PUF60: variants seen among roughly 807,000 people sequenced by gnomAD.
PUF60 encodes poly(U)-binding-splicing factor PUF60.
In PUF60, 10 loss-of-function variants were observed where a neutral mutation model predicts 61.8. The ratio of observed to expected loss-of-function variants is 0.16; its 90% CI spans 0.10 to 0.27. PUF60 has a LOEUF of 0.27. Ranked by LOEUF, PUF60 falls within the 10% of genes least tolerant of loss-of-function variation. The probability of loss-of-function intolerance (pLI) is 1.00; values close to 1 mark genes in which losing one functional copy is unlikely to be tolerated. For synonymous variants in PUF60, 353 were observed against 300.9 expected (o/e 1.17, Z -1.79); for missense variants, 371 against 754.0 (o/e 0.49, Z 5.95).
At chr8:143,823,595 C>T (rs1232090574) in intron 2 of PUF60, among the ~76,000 whole-genome samples, 1 of 152,226 alleles carries the variant, frequency 6.6e-6, no homozygotes, top group Non-Finnish European at 1.5e-5. Context: ...GTCCCACCCC[C>T]TGAGTGTGCC....
At chr8:143,821,360 C>T (rs1586588261) in intron 4 of PUF60, 1 of 598,110 alleles carries the variant, frequency 1.7e-6, no homozygotes, top group South Asian at 2.0e-5. Flanking sequence ...GAGCTGCAGC[C>T]AAGCAGCCAA....
Position 143,817,236 on chromosome 8 carries a change from T to C in PUF60, c.1145-91A>G. 6.6e-7 allele frequency: 1 copy of C among 1,520,110 alleles called. No individual in the cohort carries two copies. The highest frequency in any genetic ancestry group is 1.3e-5 in the South Asian group (1 of 77,112). 94.2% of individuals were successfully genotyped at this position (1,520,110 alleles called of 1,614,324 possible). ...GCTGGCCTGCCCTGGGCTCAGAGGGTTGTGCCCAGACCACCAGGGCCAGGC... is the reference window on the plus strand; with the variant it reads ...GCTGGCCTGCCCTGGGCTCAGAGGGCTGTGCCCAGACCACCAGGGCCAGGC... On this transcript the variant is annotated intron_variant, in intron 10 of 11. Transcript: ENST00000526683. The surrounding 1 kb of genome is among the most constrained non-coding windows in gnomAD (Gnocchi z 7.4).
chr8:143,816,986 C>A lies in PUF60; in HGVS notation c.1304G>T (p.Ser435Ile). 1 of 1,605,476 alleles carries A rather than the reference C, an allele frequency of 6.2e-7. No homozygotes were observed. The highest frequency in any genetic ancestry group is 2.2e-5 in the East Asian group (1 of 44,516). Reference protein sequence around the residue: ...FPESERPEMLSEQEHMSISGS... With the variant: ...FPESERPEMLIEQEHMSISGS... ...CGAGATGCTCATGTGCTCCTGCTCG[C>A]TCAGCATCTCTGGCCGCTCTGACTC... The change falls in exon 11 of 12, where the codon AGC (serine) becomes ATC (isoleucine). Residue 435 changes from serine to isoleucine, a missense_variant. Physicochemically the swap from Ser to Ile is moderately radical, Grantham distance 142. Transcript: ENST00000526683.
chr8:143,817,517 C>T lies in PUF60; in HGVS notation c.1009-51G>A. The T allele has an allele frequency of 6.2e-7, 1 of 1,608,324 alleles. No individual in the cohort carries two copies. The highest frequency in any genetic ancestry group is 8.5e-7 in the Non-Finnish European group (1 of 1,178,976). ...CAGTCCCTGGTCTGGCTACTCAAGA[C>T]CACCTTGAATCAGTCTCCAAGGAAT... On this transcript the variant is annotated intron_variant, in intron 9 of 11. Coordinates refer to ENST00000526683, the MANE Select transcript of PUF60 (RefSeq NM_078480.3). The surrounding 1 kb of genome is among the most constrained non-coding windows in gnomAD (Gnocchi z 7.4).
At chr8:143,819,923 G>A (rs1234217685) in intron 5 of PUF60, among the ~76,000 whole-genome samples, 3 of 152,278 alleles carry the variant, frequency 2.0e-5, no homozygotes, top group South Asian at 2.1e-4. Context: ...AGAACAAGGC[G>A]TGTGTTGCCC....
intron 2 of PUF60, 116 bp downstream of exon 2, chr8:143,824,197 G>A (rs1817356041): frequency 4.7e-6 from 5 of 1,062,810 alleles, no homozygotes; most frequent in Middle Eastern, 3.0e-4. Flanking sequence ...GGGTTCCCGA[G>A]GTTCCTCCCG....
Position 143,817,464 on chromosome 8 carries a change from T to C in PUF60, c.1011A>G (p.Glu337=), listed in dbSNP as rs1334579981. The C allele has an allele frequency of 1.2e-6, 2 of 1,609,746 alleles. No individual in the cohort carries two copies. The highest frequency in any genetic ancestry group is 1.7e-5 in the Admixed American group (1 of 59,580). The change falls in exon 10 of 12, where the codon GAA becomes GAG. Residue 337 remains glutamate (E), a splice_region_variant and synonymous_variant. Transcript: ENST00000526683. This position sits in a 1 kb window ranked among gnomAD's most constrained non-coding sequence, Gnocchi z 7.4. ...AAATAKITAQ[E]AVAGAAVLGT... ...CCAGCACCGCTGCTCCGGCCACTGC[T>C]TCCTGCAACCCAAAAGGTCACCGTG...
intron 1 of PUF60, among the ~76,000 whole-genome samples, chr8:143,825,944 C>T (rs1197066799): frequency 6.6e-6 from 1 of 152,206 alleles, no homozygotes. Flanking sequence ...AAAACATTTT[C>T]TTGGGAAAAG....
chr8:143,822,021 A>C, intron 2 of PUF60, 108 bp from the exon 3 acceptor site: 2 of 795,430 alleles, frequency 2.5e-6, no homozygotes, highest in Non-Finnish European at 3.9e-6. Context: ...GCCTGTACTC[A>C]GGCCAGCCCT....
intron 1 of PUF60, chr8:143,827,231 G>C (rs2130434597): frequency 2.2e-5 from 8 of 371,340 alleles, no homozygotes; most frequent in South Asian, 1.4e-4. Context: ...TGGCAGCCGG[G>C]GGCCTCTCTA....
In PUF60 at chr8:143,817,115, A is replaced by G; in HGVS notation, c.1175T>C (p.Val392Ala). The G allele has an allele frequency of 1.2e-6, 2 of 1,609,708 alleles. No individual in the cohort carries two copies. Among genetic ancestry groups the G allele is most frequent in the South Asian group, 1.1e-5 (1 of 90,542 alleles). The change falls in exon 11 of 12, where the codon GTC becomes GCC. Residue 392 changes from valine to alanine, a missense_variant. Physicochemically the swap from Val to Ala is moderately conservative, Grantham distance 64. Around this residue, in one of 13 missense-constraint regions of PUF60, gnomAD observed 68 missense variants for 69.4 expected, o/e 0.98. Coordinates refer to ENST00000526683, the MANE Select transcript of PUF60 (RefSeq NM_078480.3). The surrounding 1 kb of genome is among the most constrained non-coding windows in gnomAD (Gnocchi z 7.4). ...CACCACTCCCACCGAGGGGATGGTGACCGGGATAGGAGGACGGGCTGGGGT... is the reference window on the plus strand; with the variant it reads ...CACCACTCCCACCGAGGGGATGGTGGCCGGGATAGGAGGACGGGCTGGGGT... ...GVTPARPPIP[V>A]TIPSVGVVNP... is the part of the protein sequence containing the mutation.
At chr8:143,823,248 C>T (rs568163589) in intron 2 of PUF60, 4 of 157,998 alleles carry the variant, frequency 2.5e-5, no homozygotes, top group African/African-American at 7.3e-5. Context: ...TGCCCCAGTC[C>T]GGCTCACACT....
Position 143,824,188 on chromosome 8 carries a change from G to T in PUF60, c.111+125C>A, listed in dbSNP as rs561697242. Reference sequence around the variant, plus strand: ...AGTTGTCTGCCCAGAGGCAGAGAAGGGTTCCCGAGGTTCCTCCCGCCCCGC... The same window carrying T: ...AGTTGTCTGCCCAGAGGCAGAGAAGTGTTCCCGAGGTTCCTCCCGCCCCGC... On this transcript the variant is annotated intron_variant, in intron 2 of 11. Transcript: ENST00000526683. 4 of 940,348 alleles carry T rather than the reference G, an allele frequency of 4.3e-6. No homozygotes were observed. In the South Asian group the frequency reaches 4.9e-5, roughly 12 times the overall value. The allele number at this position is 940,348 out of a possible 1,614,324, so 58.3% of individuals were successfully genotyped here.
At chr8:143,822,085 T>G (rs2130340811) in intron 2 of PUF60, among the ~76,000 whole-genome samples, 172 bp from the exon 3 acceptor site, 2 of 151,770 alleles carry the variant, frequency 1.3e-5, no homozygotes, top group South Asian at 4.2e-4. Context: ...ACCCATGGGG[T>G]AGAACACAGA....
At chr8:143,829,080 G>A (rs1817998976) in intron 1 of PUF60, 200 bp downstream of exon 1, 1 of 1,078,714 alleles carries the variant, frequency 9.3e-7, no homozygotes, top group Admixed American at 5.3e-5. Flanking sequence ...GGGGTCCGCA[G>A]GCCGGAAGCT....
chr8:143,827,647 G>A (rs1586623604), intron 1 of PUF60: 1 of 348,970 alleles, frequency 2.9e-6, no homozygotes, highest in South Asian at 2.1e-5. Flanking sequence ...AAAGAGGAAT[G>A]GGTTAGACCA....
In PUF60 at chr8:143,816,364, A is replaced by G. The variant is rs2043518532; in HGVS notation, c.*156T>C. On this transcript the variant is annotated 3_prime_UTR_variant, in exon 12 of 12. Coordinates refer to ENST00000526683, the MANE Select transcript of PUF60 (RefSeq NM_078480.3). ...CAGGATCGGTGACAGGACCGACGGC[A>G]GACACACGGACGTTCAGGGCCAGCA... is the stretch of plus-strand genomic sequence containing the variant. The G allele has an allele frequency of 1.2e-6, 1 of 815,118 alleles. No homozygotes were observed. 50.5% of individuals were successfully genotyped at this position (815,118 alleles called of 1,614,324 possible). A position where few individuals can be genotyped will look rare whatever the true frequency, so the allele number is the denominator to read the frequency against.
Position 143,816,503 on chromosome 8 carries a change from G to C in PUF60, c.*17C>G. The C allele has an allele frequency of 6.3e-7, 1 of 1,594,986 alleles. No homozygotes were observed. Among genetic ancestry groups the C allele is most frequent in the South Asian group, 1.1e-5 (1 of 88,332 alleles). On this transcript the variant is annotated 3_prime_UTR_variant, in exon 12 of 12. Transcript: ENST00000526683. ...GGAAACAAGGAACAAGTGCAAGTCC[G>C]GGGAGAGGGACCACTGTCACGCAGA...
rs371053584 is a variant in PUF60, at chr8:143,816,523, C to T, written c.1677G>A (p.Ala559=). The T allele has an allele frequency of 5.0e-6, 8 of 1,606,264 alleles. No individual in the cohort carries two copies. The highest frequency in any genetic ancestry group is 6.0e-6 in the Non-Finnish European group (7 of 1,175,642). Residue 559 remains alanine (A), a synonymous_variant, in exon 12 of 12, where the codon GCG becomes GCA. Coordinates refer to ENST00000526683, the MANE Select transcript of PUF60 (RefSeq NM_078480.3). ...AGTCCGGGGAGAGGGACCACTGTCA[C>T]GCAGAGAGGTCACTGTTATCAAAAC... is the stretch of plus-strand genomic sequence containing the variant. ...QERFDNSDLS[A]
Sources: gnomAD v4.1 joint callset for allele counts (sites outside exome capture counted in the v4.1 genomes callset) on GRCh38, gnomAD v4.1.1 for gene constraint, gnomAD v4.1.1 regional missense constraint, Gnocchi (gnomAD v3.1) non-coding constraint, MANE v1.5 for transcripts, NCBI Gene and HGNC (gene_info 2026-07-23, HGNC 2026-07-21) for gene names.